DDAH1: variants seen among roughly 807,000 people sequenced by gnomAD.
The protein encoded by DDAH1 is N(G),N(G)-dimethylarginine dimethylaminohydrolase 1.
A neutral mutation model predicts 28.8 loss-of-function variants in DDAH1; 19 were observed. That is an observed-to-expected ratio of 0.66 (90% CI 0.46 to 0.97). The LOEUF (loss-of-function observed/expected upper bound fraction) is 0.97, where lower values mean the gene tolerates loss of function less well. Among genes scored for constraint, DDAH1 ranks in the 50% least tolerant of loss-of-function variants. DDAH1 has a pLI of 0.00. For missense variants in DDAH1, 326 were observed against 375.9 expected, an observed-to-expected ratio of 0.87 and a Z score of 1.10; for synonymous variants, 153 against 154.4, an observed-to-expected ratio of 0.99 and a Z score of 0.07.
intron 1 of DDAH1, among the ~76,000 whole-genome samples, chr1:85,390,087 T>C (rs562261610): frequency 1.6e-4 from 24 of 152,368 alleles, no homozygotes; most frequent in African/African-American, 5.3e-4. Context: ...CATATCTTTC[T>C]ATGTTAAGTC....
At chr1:85,537,395 G>A (rs1388569845) in intron 1 of DDAH1, among the ~76,000 whole-genome samples, 1 of 150,336 alleles carries the variant, frequency 6.7e-6, no homozygotes, top group Non-Finnish European at 1.5e-5. Flanking sequence ...TGAACCTGAA[G>A]CACATCATAT....
chr1:85,341,811 T>TCAAAAA (rs1383484909), intron 4 of DDAH1, among the ~76,000 whole-genome samples: 2 of 151,410 alleles, frequency 1.3e-5, no homozygotes, highest in African/African-American at 4.8e-5. Context: ...AGACTCTGTC[T>TCAAAAA]CAAAAACAAA....
intron 1 of DDAH1, among the ~76,000 whole-genome samples, chr1:85,569,687 G>C (rs1247813500): frequency 6.6e-6 from 1 of 152,166 alleles, no homozygotes; most frequent in African/African-American, 2.4e-5. Flanking sequence ...ATGCACGCTG[G>C]CCCTTTCTAG....
chr1:85,358,614 A>G (rs1187985986), intron 2 of DDAH1, 134 bp downstream of exon 2: 5 of 641,996 alleles, frequency 7.8e-6, no homozygotes, highest in Admixed American at 3.2e-5. Context: ...GCGCCACTGC[A>G]CTCCGGCCTA....
intron 1 of DDAH1, among the ~76,000 whole-genome samples, chr1:85,372,067 G>T (rs1017127989): frequency 6.6e-6 from 1 of 152,006 alleles, no homozygotes; most frequent in Non-Finnish European, 1.5e-5. Context: ...CTTCATTAGA[G>T]ATGGTTGTGA....
chr1:85,377,130 C>A (rs534292092), intron 1 of DDAH1, among the ~76,000 whole-genome samples: 1 of 152,156 alleles, frequency 6.6e-6, no homozygotes, highest in South Asian at 2.1e-4. Flanking sequence ...CTCAGGTGAC[C>A]AACTCCCAGT....
At chr1:85,407,713 T>C (rs1481463477) in intron 1 of DDAH1, among the ~76,000 whole-genome samples, 2 of 152,204 alleles carry the variant, frequency 1.3e-5, no homozygotes, top group African/African-American at 4.8e-5. Flanking sequence ...TTTGGTAATA[T>C]TGACCCAAGG....
At chr1:85,344,618 G>GA (rs947921324) in intron 4 of DDAH1, among the ~76,000 whole-genome samples, 9 of 133,096 alleles carry the variant, frequency 6.8e-5, no homozygotes, top group Middle Eastern at 3.7e-3. Context: ...CCTTCCTTAA[G>GA]AAAATTTTTT....
chr1:85,503,327 C>T (rs1174784234), intron 1 of DDAH1, among the ~76,000 whole-genome samples: 1 of 152,158 alleles, frequency 6.6e-6, no homozygotes, highest in Non-Finnish European at 1.5e-5. Flanking sequence ...GCCTCAGCTT[C>T]CTGAGTTGCT....
intron 2 of DDAH1, among the ~76,000 whole-genome samples, chr1:85,484,111 G>T (rs901560366): frequency 6.6e-6 from 1 of 151,666 alleles, no homozygotes; most frequent in East Asian, 1.9e-4. Flanking sequence ...ACATTTTAAA[G>T]GTTGCCTCTA....
chr1:85,432,127 C>T (rs1052124556), intron 1 of DDAH1, among the ~76,000 whole-genome samples: 1 of 152,206 alleles, frequency 6.6e-6, no homozygotes, highest in Non-Finnish European at 1.5e-5. Flanking sequence ...CCTCTTTAGG[C>T]CCATGTCCTT....
chr1:85,483,604 T>A (rs1656086745), intron 2 of DDAH1, among the ~76,000 whole-genome samples: 1 of 152,222 alleles, frequency 6.6e-6, no homozygotes, highest in Non-Finnish European at 1.5e-5. Context: ...CAGCAACCCA[T>A]AATCAAATGT....
chr1:85,337,302 AT>A (rs1648193481), intron 4 of DDAH1, among the ~76,000 whole-genome samples: 1 of 152,324 alleles, frequency 6.6e-6, no homozygotes, highest in South Asian at 2.1e-4. Flanking sequence ...ATGTTTTTAA[AT>A]TATCACACTA....
chr1:85,458,172 C>A (rs200984869), intron 1 of DDAH1, among the ~76,000 whole-genome samples: 2 of 152,272 alleles, frequency 1.3e-5, no homozygotes, highest in East Asian at 3.9e-4. Context: ...CTTGTCCACA[C>A]TGATTTGTTG....
At chr1:85,518,895 TA>T (rs1317672777) in intron 1 of DDAH1, among the ~76,000 whole-genome samples, 1 of 152,108 alleles carries the variant, frequency 6.6e-6, no homozygotes, top group African/African-American at 2.4e-5. Context: ...ACAAAGTTCT[TA>T]GCACATAGCA....
chr1:85,430,507 G>A (rs1003722385), intron 1 of DDAH1, among the ~76,000 whole-genome samples: 8 of 152,132 alleles, frequency 5.3e-5, no homozygotes, highest in Non-Finnish European at 7.4e-5. Context: ...CCATTTTGAC[G>A]ATATCGATTC....
intron 1 of DDAH1, among the ~76,000 whole-genome samples, chr1:85,413,841 C>G (rs1001604): frequency 0.63 from 96,369 of 152,062 alleles, 30,625 homozygotes; most frequent in African/African-American, 0.67. Flanking sequence ...AAAACAGTAA[C>G]TGAATGTATG....
intron 1 of DDAH1, among the ~76,000 whole-genome samples, chr1:85,387,135 T>TATTA (rs1160414246): frequency 9.2e-5 from 14 of 152,186 alleles, no homozygotes; most frequent in Non-Finnish European, 4.4e-5. Flanking sequence ...TTGTCTTGAC[T>TATTA]ATTAGCACCT....
At chr1:85,449,857 A>T (rs749519200) in intron 1 of DDAH1, among the ~76,000 whole-genome samples, 6 of 152,148 alleles carry the variant, frequency 3.9e-5, no homozygotes, top group Non-Finnish European at 8.8e-5. Context: ...GGTAGACTAC[A>T]GGGTCAAGAA....
Sources: gnomAD v4.1 joint callset for allele counts (sites outside exome capture counted in the v4.1 genomes callset) on GRCh38, gnomAD v4.1.1 for gene constraint, MANE v1.5 for transcripts, NCBI Gene and HGNC (gene_info 2026-07-23, HGNC 2026-07-21) for gene names.